The following CADPS2 variants were observed in gnomAD, a reference collection of about 807,000 sequenced individuals.
The protein encoded by CADPS2 is calcium dependent secretion activator 2.
CADPS2 carries 93 observed loss-of-function variants against 172.5 expected under a neutral mutation model. The ratio of observed to expected loss-of-function variants is 0.54; its 90% CI spans 0.46 to 0.64. The LOEUF (loss-of-function observed/expected upper bound fraction) is 0.64, where lower values mean the gene tolerates loss of function less well. Ranked by LOEUF, CADPS2 falls within the 30% of genes least tolerant of loss-of-function variation. The pLI, the probability that CADPS2 is intolerant of heterozygous loss-of-function variation, is 0.00. For missense variants in CADPS2, 1,420 were observed against 1,565.9 expected, an observed-to-expected ratio of 0.91 and a Z score of 1.57; for synonymous variants, 546 against 555.2, an observed-to-expected ratio of 0.98 and a Z score of 0.23.
chr7:122,765,385 A>G (rs1254501751), intron 1 of CADPS2, among the ~76,000 whole-genome samples: 2 of 152,154 alleles, frequency 1.3e-5, no homozygotes, highest in Admixed American at 6.6e-5. Flanking sequence ...GTGGACAGCC[A>G]TCATCCAGAA....
intron 2 of CADPS2, among the ~76,000 whole-genome samples, chr7:122,730,134 T>C (rs1454106930): frequency 1.3e-5 from 2 of 151,700 alleles, no homozygotes; most frequent in African/African-American, 4.8e-5. Flanking sequence ...GTATAAACAA[T>C]GCCTATATGA....
At chr7:122,556,084 A>G (rs1213640017) in intron 7 of CADPS2, among the ~76,000 whole-genome samples, 2 of 152,112 alleles carry the variant, frequency 1.3e-5, no homozygotes, top group Non-Finnish European at 2.9e-5. Context: ...ATACTCAAGT[A>G]TATAAAGGAC....
At chr7:122,659,580 T>G (rs1467634285) in intron 3 of CADPS2, among the ~76,000 whole-genome samples, 2 of 151,978 alleles carry the variant, frequency 1.3e-5, no homozygotes, top group Admixed American at 1.3e-4. Flanking sequence ...GAAGGAATAT[T>G]TGAAGTAATA....
intron 2 of CADPS2, among the ~76,000 whole-genome samples, chr7:122,664,064 C>CAAAAAA (rs541690772): frequency 2.4e-5 from 2 of 84,876 alleles, no homozygotes; most frequent in Admixed American, 1.3e-4. Flanking sequence ...TGTTTATAAG[C>CAAAAAA]AAAAAAAAAA....
At chr7:122,428,323 C>T (rs183138450) in intron 17 of CADPS2, among the ~76,000 whole-genome samples, 28 of 152,188 alleles carry the variant, frequency 1.8e-4, no homozygotes, top group African/African-American at 6.5e-4. Context: ...TATTCTTTAA[C>T]ACCATGCACT....
intron 2 of CADPS2, among the ~76,000 whole-genome samples, chr7:122,720,980 T>A (rs2090329324): frequency 6.6e-6 from 1 of 152,038 alleles, no homozygotes; most frequent in Non-Finnish European, 1.5e-5. Context: ...GTTAACATAC[T>A]TAATCTTAAT....
intron 7 of CADPS2, among the ~76,000 whole-genome samples, chr7:122,574,130 A>C (rs974434561): frequency 1.3e-4 from 20 of 152,160 alleles, no homozygotes; most frequent in African/African-American, 4.3e-4. Context: ...AGAAGCAGTA[A>C]ACTCATGTTT....
intron 3 of CADPS2, among the ~76,000 whole-genome samples, chr7:122,646,873 A>T (rs977591521): frequency 1.3e-5 from 2 of 152,174 alleles, no homozygotes; most frequent in Non-Finnish European, 2.9e-5. Context: ...TGAAGTCTCC[A>T]GCTATGGCAA....
intron 1 of CADPS2, among the ~76,000 whole-genome samples, chr7:122,798,198 A>T (rs1158736132): frequency 2.0e-5 from 3 of 152,166 alleles, no homozygotes; most frequent in African/African-American, 7.2e-5. Flanking sequence ...TTCTATCAAA[A>T]GGAAAAAACA....
intron 1 of CADPS2, among the ~76,000 whole-genome samples, chr7:122,745,511 G>A (rs2138154423): frequency 6.6e-6 from 1 of 151,512 alleles, no homozygotes; most frequent in African/African-American, 2.4e-5. Context: ...CCTACGCAAT[G>A]TGTTGTATAC....
At chr7:122,499,205 C>A (rs888378424) in intron 9 of CADPS2, among the ~76,000 whole-genome samples, 1 of 152,142 alleles carries the variant, frequency 6.6e-6, no homozygotes, top group African/African-American at 2.4e-5. Flanking sequence ...TTTTTTCTAG[C>A]CCATCATTTC....
At chr7:122,620,771 A>G (rs1261057221) in intron 5 of CADPS2, among the ~76,000 whole-genome samples, 2 of 152,170 alleles carry the variant, frequency 1.3e-5, no homozygotes, top group Non-Finnish European at 2.9e-5. Flanking sequence ...AAATGATCCT[A>G]TGGGTAAAGT....
chr7:122,581,133 A>C (rs1236034820), intron 7 of CADPS2, 46 bp downstream of exon 7: 1 of 1,356,640 alleles, frequency 7.4e-7, no homozygotes, highest in African/African-American at 1.4e-5. Flanking sequence ...AATCCAAAGA[A>C]GTTAAAACTG....
rs573229675 is a variant in CADPS2, at chr7:122,647,047, G to A, written c.786+16190C>T. On this transcript the variant is annotated intron_variant, in intron 3 of 29. Coordinates refer to ENST00000449022, the MANE Select transcript of CADPS2 (RefSeq NM_017954.11). ...GAAGAACTAGGTATTGGATGAAAAA[G>A]AAAGTGACATTTAAATCTACTGAAT... Among the ~76,000 whole-genome samples, 11 of 152,248 alleles carry A rather than the reference G, an allele frequency of 7.2e-5. No individual in the cohort carries two copies. In the East Asian group the frequency reaches 1.7e-3, roughly 24 times the overall value.
intron 3 of CADPS2, among the ~76,000 whole-genome samples, chr7:122,639,227 T>C (rs1263699677): frequency 1.3e-5 from 2 of 152,234 alleles, no homozygotes; most frequent in East Asian, 1.9e-4. Context: ...CATGTAAGAA[T>C]CTTAGTTTAA....
At chr7:122,493,978 T>C (rs1173965936) in intron 9 of CADPS2, among the ~76,000 whole-genome samples, 1 of 152,158 alleles carries the variant, frequency 6.6e-6, no homozygotes, top group Non-Finnish European at 1.5e-5. Flanking sequence ...GACTAGGCTA[T>C]AGTATCCAGT....
chr7:122,732,878 G>GTATAATATATATTATATAATATA (rs2091815161), intron 2 of CADPS2, among the ~76,000 whole-genome samples: 3 of 132,698 alleles, frequency 2.3e-5, no homozygotes, highest in Non-Finnish European at 4.8e-5. Flanking sequence ...CATTATATAT[G>GTATAATATATATTATATAATATA]CTATGTATAA....
chr7:122,552,558 G>C (rs2064437132), intron 8 of CADPS2, among the ~76,000 whole-genome samples: 1 of 152,050 alleles, frequency 6.6e-6, no homozygotes, highest in African/African-American at 2.4e-5. Context: ...GCCTTGTAAG[G>C]GGTCTGGATT....
At chr7:122,371,579 G>A (rs2041766860) in intron 25 of CADPS2, among the ~76,000 whole-genome samples, 1 of 152,182 alleles carries the variant, frequency 6.6e-6, no homozygotes, top group South Asian at 2.1e-4. Context: ...TATAATTCAA[G>A]ATGAGATTTT....
Sources: gnomAD v4.1 joint callset for allele counts (sites outside exome capture counted in the v4.1 genomes callset) on GRCh38, gnomAD v4.1.1 for gene constraint, MANE v1.5 for transcripts, NCBI Gene and HGNC (gene_info 2026-07-23, HGNC 2026-07-21) for gene names.